The following CSMD1 variants were observed in gnomAD, a reference collection of about 807,000 sequenced individuals.
CSMD1 encodes the protein CUB and Sushi multiple domains 1.
CSMD1 carries 213 observed loss-of-function variants against 417.5 expected under a neutral mutation model. The ratio of observed to expected loss-of-function variants is 0.51; its 90% confidence interval spans 0.46 to 0.57. The LOEUF (loss-of-function observed/expected upper bound fraction) is 0.57, where lower values mean the gene tolerates loss of function less well. Ranked by LOEUF, CSMD1 falls within the 20% of genes least tolerant of loss-of-function variation. The pLI is 0.00. For synonymous variants in CSMD1, 2,862 were observed against 1,736.8 expected (o/e 1.65, Z -16.11); for missense variants, 6,923 against 4,529.7 (o/e 1.53, Z -15.17).
intron 3 of CSMD1, among the ~76,000 whole-genome samples, chr8:4,368,328 G>A (rs577006510): frequency 2.0e-5 from 3 of 152,228 alleles, no homozygotes; most frequent in Non-Finnish European, 2.9e-5. Flanking sequence ...TAGATCACAG[G>A]TATACAGCCT....
intron 7 of CSMD1, chr8:3,702,171 T>C (rs1354473776): frequency 6.6e-6 from 1 of 152,186 alleles, no homozygotes; most frequent in Non-Finnish European, 1.5e-5. Context: ...AATCATCTTT[T>C]TATTAAATAA....
At chr8:4,315,487 G>A (rs149240478) in intron 3 of CSMD1, among the ~76,000 whole-genome samples, 1 of 152,042 alleles carries the variant, frequency 6.6e-6, no homozygotes, top group African/African-American at 2.4e-5. Context: ...TCAAGATAAA[G>A]GATAAATAAA....
chr8:4,993,108 A>G (rs1811563433), intron 1 of CSMD1, among the ~76,000 whole-genome samples: 1 of 152,152 alleles, frequency 6.6e-6, no homozygotes, highest in African/African-American at 2.4e-5. Context: ...TTCCATCTGG[A>G]CCACTGGAGG....
chr8:3,685,478 G>A (rs925762950), intron 7 of CSMD1, among the ~76,000 whole-genome samples: 1 of 152,180 alleles, frequency 6.6e-6, no homozygotes. Context: ...AGCCGAAGGA[G>A]ATGGGAGCTC....
intron 5 of CSMD1, among the ~76,000 whole-genome samples, chr8:3,906,048 G>A (rs751041034): frequency 1.3e-5 from 2 of 152,126 alleles, no homozygotes; most frequent in South Asian, 4.1e-4. Flanking sequence ...TAAATAGCGA[G>A]AGGAGGTGAA....
chr8:3,252,491 G>C lies in CSMD1; in HGVS notation c.4154-22260C>G, dbSNP rs543394206. On this transcript the variant is annotated intron_variant, in intron 26 of 69. Transcript: ENST00000635120. The stretch of plus-strand genomic sequence containing the variant: ...GTATTTTATTGAGGATTTTTGCTTT[G>C]ATGTTCATCAGGGATATTGGTCTAA... 9.9e-5 allele frequency among the ~76,000 whole-genome samples: 15 copies of C among 152,202 alleles called. No individual in the cohort carries two copies. In the South Asian group the frequency reaches 1.0e-3, roughly 11 times the overall value.
At chr8:3,840,458 C>A (rs1370574057) in intron 5 of CSMD1, among the ~76,000 whole-genome samples, 1 of 151,936 alleles carries the variant, frequency 6.6e-6, no homozygotes, top group Non-Finnish European at 1.5e-5. Context: ...ACCTCTTGCC[C>A]TGAACATAAT....
intron 12 of CSMD1, among the ~76,000 whole-genome samples, chr8:3,427,824 T>C (rs1039683993): frequency 1.3e-5 from 2 of 152,232 alleles, no homozygotes; most frequent in East Asian, 1.9e-4. Context: ...GAGGACCAAT[T>C]GCTTCCAGCA....
intron 1 of CSMD1, among the ~76,000 whole-genome samples, chr8:4,879,125 G>C (rs1156922036): frequency 6.6e-6 from 1 of 151,996 alleles, no homozygotes; most frequent in East Asian, 1.9e-4. Context: ...TTTACGTATT[G>C]AGCAAACAAA....
intron 2 of CSMD1, among the ~76,000 whole-genome samples, chr8:4,448,300 T>G (rs187035676): frequency 2.1e-3 from 313 of 152,320 alleles, no homozygotes; most frequent in African/African-American, 7.3e-3. Context: ...AAAGGGTACA[T>G]TTTGTTTGCC....
intron 3 of CSMD1, among the ~76,000 whole-genome samples, chr8:4,249,846 C>A (rs948994017): frequency 6.6e-6 from 1 of 151,998 alleles, no homozygotes; most frequent in Admixed American, 6.6e-5. Context: ...TGAATGTGTC[C>A]CCTGACCCCC....
chr8:3,926,707 T>G (rs1324629996), intron 5 of CSMD1, among the ~76,000 whole-genome samples: 1 of 146,348 alleles, frequency 6.8e-6, no homozygotes, highest in Non-Finnish European at 1.5e-5. Flanking sequence ...TCAAGTTAAA[T>G]TGACACCTTT....
chr8:4,276,317 C>G (rs1796483737), intron 3 of CSMD1, among the ~76,000 whole-genome samples: 3 of 152,152 alleles, frequency 2.0e-5, no homozygotes, highest in Admixed American at 2.0e-4. Context: ...AGTTAATGTC[C>G]TTTGCAGGGA....
chr8:3,335,132 T>G (rs1807169907), intron 23 of CSMD1, among the ~76,000 whole-genome samples: 1 of 152,152 alleles, frequency 6.6e-6, no homozygotes, highest in Non-Finnish European at 1.5e-5. Flanking sequence ...CAATGGTGGT[T>G]GGACATCCTA....
chr8:4,662,544 C>A (rs1016503715), intron 1 of CSMD1, among the ~76,000 whole-genome samples: 1 of 152,206 alleles, frequency 6.6e-6, no homozygotes, highest in Non-Finnish European at 1.5e-5. Context: ...TTTCGCTCGT[C>A]TCCCTGGAGA....
intron 5 of CSMD1, among the ~76,000 whole-genome samples, chr8:3,975,472 G>A (rs76845108): frequency 5.0e-4 from 76 of 152,118 alleles, no homozygotes; most frequent in African/African-American, 1.8e-3. Flanking sequence ...ATACATCACA[G>A]TGGAGTGACA....
intron 1 of CSMD1, among the ~76,000 whole-genome samples, chr8:4,773,097 T>C (rs1260857095): frequency 6.6e-6 from 1 of 152,212 alleles, no homozygotes; most frequent in East Asian, 1.9e-4. Flanking sequence ...TTTTCAGATT[T>C]GGGAATATTT....
intron 3 of CSMD1, among the ~76,000 whole-genome samples, chr8:4,184,574 A>T (rs181595762): frequency 5.0e-4 from 76 of 152,272 alleles, no homozygotes; most frequent in African/African-American, 1.8e-3. Flanking sequence ...GCATGGATGG[A>T]GCTGTAGACC....
At chr8:3,766,863 G>T (rs967053231) in intron 5 of CSMD1, among the ~76,000 whole-genome samples, 5 of 151,934 alleles carry the variant, frequency 3.3e-5, no homozygotes, top group African/African-American at 1.2e-4. Flanking sequence ...CTTTTTTCTA[G>T]CAAATTTCTT....
Sources: allele counts gnomAD v4.1 joint callset (sites outside exome capture counted in the v4.1 genomes callset), GRCh38; gene constraint gnomAD v4.1.1; transcripts MANE v1.5; gene names NCBI Gene and HGNC (gene_info 2026-07-23, HGNC 2026-07-21).